Variants in WDR72 observed in about 807,000 individuals in gnomAD.
The protein encoded by WDR72 is WD repeat domain 72.
Under a neutral mutation model 124.2 loss-of-function variants are expected in WDR72, and 120 were observed. The observed-to-expected ratio is 0.97, with a 90% CI of 0.83 to 1.12. The LOEUF (loss-of-function observed/expected upper bound fraction) is 1.12. Among genes scored for constraint, WDR72 ranks in the 50% most tolerant of loss-of-function variants. The pLI, the probability that WDR72 is intolerant of heterozygous loss-of-function variation, is 0.00. For missense variants in WDR72, 1,387 were observed against 1,278.8 expected, an observed-to-expected ratio of 1.08 and a Z score of -1.29; for synonymous variants, 452 against 441.7, an observed-to-expected ratio of 1.02 and a Z score of -0.29.
chr15:53,586,819 C>T (rs1430782510), intron 18 of WDR72, among the ~76,000 whole-genome samples: 1 of 151,980 alleles, frequency 6.6e-6, no homozygotes, highest in African/African-American at 2.4e-5. Context: ...AAAGGGTACA[C>T]AAGGGAAAAA....
chr15:53,672,330 A>G (rs982178025), intron 13 of WDR72, among the ~76,000 whole-genome samples: 2 of 130,144 alleles, frequency 1.5e-5, no homozygotes, highest in Non-Finnish European at 3.4e-5. Flanking sequence ...AAAAAAAGCC[A>G]CTCCAAGTGA....
intron 18 of WDR72, among the ~76,000 whole-genome samples, chr15:53,550,654 T>C (rs975629654): frequency 6.6e-6 from 1 of 152,204 alleles, no homozygotes; most frequent in South Asian, 2.1e-4. Flanking sequence ...AAGGAATGAT[T>C]AGGGAAATGG....
chr15:53,517,292 A>T lies in WDR72; in HGVS notation c.*407T>A, dbSNP rs1891517234. 1 of 176,078 alleles carries T rather than the reference A, an allele frequency of 5.7e-6. No individual in the cohort carries two copies. Among genetic ancestry groups the T allele is most frequent in the Admixed American group, 5.7e-5 (1 of 17,538 alleles). 10.9% of individuals were successfully genotyped at this position (176,078 alleles called of 1,614,324 possible). A position where few individuals can be genotyped will look rare whatever the true frequency, so the allele number is the denominator to read the frequency against. On this transcript the variant is annotated 3_prime_UTR_variant, in exon 20 of 20. Transcript: ENST00000360509. The stretch of plus-strand genomic sequence containing the variant: ...GATTAAATACCTTGAAGCAGTATTA[A>T]ATTTGTAAGTAAGTATTGTGTACTA...
intron 14 of WDR72, among the ~76,000 whole-genome samples, chr15:53,618,314 T>C (rs1189447619): frequency 6.6e-6 from 1 of 152,000 alleles, no homozygotes; most frequent in Non-Finnish European, 1.5e-5. Context: ...CTCCCACTTA[T>C]TTAGACCATG....
chr15:53,760,762 T>C (rs2019048060), upstream of WDR72, among the ~76,000 whole-genome samples: 1 of 152,198 alleles, frequency 6.6e-6, no homozygotes, highest in African/African-American at 2.4e-5. Flanking sequence ...CTCCAAATTA[T>C]TCTCCGTAGT....
chr15:53,567,881 TA>T (rs763212216), intron 18 of WDR72, among the ~76,000 whole-genome samples: 3 of 151,548 alleles, frequency 2.0e-5, no homozygotes, highest in East Asian at 3.9e-4. Flanking sequence ...TATCAACAGA[TA>T]AAAAACAAAT....
chr15:53,654,271 G>A (rs956434053), intron 14 of WDR72, among the ~76,000 whole-genome samples: 1 of 152,144 alleles, frequency 6.6e-6, no homozygotes, highest in Non-Finnish European at 1.5e-5. Flanking sequence ...CATACATAAC[G>A]AGACTTTCGT....
chr15:53,528,244 C>T (rs1455892685), intron 18 of WDR72, among the ~76,000 whole-genome samples: 3 of 152,064 alleles, frequency 2.0e-5, no homozygotes, highest in African/African-American at 7.2e-5. Flanking sequence ...ATCACCCTTA[C>T]TTTAAGAGTA....
chr15:53,551,879 C>G (rs1298035958), intron 18 of WDR72, among the ~76,000 whole-genome samples: 19 of 151,950 alleles, frequency 1.3e-4, no homozygotes, highest in Non-Finnish European at 1.5e-5. Flanking sequence ...CACACACAAA[C>G]ACACGCACAT....
chr15:53,696,152 T>G (rs1161959843), intron 13 of WDR72, among the ~76,000 whole-genome samples: 21 of 152,228 alleles, frequency 1.4e-4, no homozygotes, highest in Non-Finnish European at 2.9e-5. Context: ...TATGTCAATT[T>G]ATTCCTCCTT....
At chr15:53,554,935 C>A (rs551732747) in intron 18 of WDR72, among the ~76,000 whole-genome samples, 1 of 152,076 alleles carries the variant, frequency 6.6e-6, no homozygotes, top group Non-Finnish European at 1.5e-5. Context: ...CCCACCATAA[C>A]TAATTTCAAG....
At chr15:53,657,263 CAAAAAAAAAA>C (rs10549551) in intron 14 of WDR72, among the ~76,000 whole-genome samples, 1 of 56,402 alleles carries the variant, frequency 1.8e-5, no homozygotes, top group Non-Finnish European at 2.9e-5. Flanking sequence ...GACTCCATCT[CAAAAAAAAAA>C]AAAAAAAAAA....
chr15:53,552,862 C>T (rs1238800773), intron 18 of WDR72, among the ~76,000 whole-genome samples: 7 of 152,074 alleles, frequency 4.6e-5, no homozygotes, highest in African/African-American at 1.7e-4. Context: ...AAACCTATGA[C>T]TACCCACACT....
intron 1 of WDR72, among the ~76,000 whole-genome samples, chr15:53,750,945 T>C (rs1487527590): frequency 6.6e-6 from 1 of 152,226 alleles, no homozygotes; most frequent in Non-Finnish European, 1.5e-5. Context: ...TGGAATCTAC[T>C]CCTGGTGAAG....
chr15:53,740,815 G>C (rs1040851173), intron 1 of WDR72, among the ~76,000 whole-genome samples: 2 of 152,122 alleles, frequency 1.3e-5, no homozygotes, highest in African/African-American at 4.8e-5. Flanking sequence ...ACTTAAATTT[G>C]AGCCATTTTG....
intron 13 of WDR72, among the ~76,000 whole-genome samples, chr15:53,669,392 G>C (rs956172733): frequency 6.6e-6 from 1 of 152,076 alleles, no homozygotes; most frequent in Non-Finnish European, 1.5e-5. Context: ...GGTGGAGGGG[G>C]GTCTTTCTTG....
At chr15:53,727,035 C>T (rs771648351) in intron 2 of WDR72, among the ~76,000 whole-genome samples, 1 of 151,364 alleles carries the variant, frequency 6.6e-6, no homozygotes, top group Non-Finnish European at 1.5e-5. Context: ...CGCCCCGGCA[C>T]GGTCGGTGGC....
At chr15:53,582,589 A>T (rs2140319553) in intron 18 of WDR72, among the ~76,000 whole-genome samples, 1 of 151,976 alleles carries the variant, frequency 6.6e-6, no homozygotes, top group East Asian at 1.9e-4. Context: ...CCGCTAATTT[A>T]AAAAAAAGAA....
chr15:53,515,973 T>C lies in WDR72; in HGVS notation c.*1726A>G, dbSNP rs1891439919. The C allele has an allele frequency of 6.6e-6, 1 of 152,092 alleles. No homozygotes were observed. The highest frequency in any genetic ancestry group is 6.6e-5 in the Admixed American group (1 of 15,260). The allele number at this position is 152,092 out of a possible 1,614,324, so 9.4% of individuals were successfully genotyped here. The stretch of plus-strand genomic sequence containing the variant: ...TGATATTGCCATCCTTCAAAATGCT[T>C]TTGGGAGTCCTTATAATGTCCTTGA... On this transcript the variant is annotated 3_prime_UTR_variant, in exon 20 of 20. Coordinates refer to ENST00000360509, the MANE Select transcript of WDR72 (RefSeq NM_182758.4).
Sources: allele counts gnomAD v4.1 joint callset (sites outside exome capture counted in the v4.1 genomes callset), GRCh38; gene constraint gnomAD v4.1.1; transcripts MANE v1.5; gene names NCBI Gene and HGNC (gene_info 2026-07-23, HGNC 2026-07-21).